Variants in PTCHD4 observed in about 807,000 individuals in gnomAD.
PTCHD4 encodes the protein patched domain containing 4.
Under a neutral mutation model 58.1 loss-of-function variants are expected in PTCHD4, and 33 were observed. The ratio of observed to expected loss-of-function variants is 0.57; its 90% CI spans 0.43 to 0.76. The LOEUF (loss-of-function observed/expected upper bound fraction) is 0.76, where lower values mean the gene tolerates loss of function less well. Ranked by LOEUF, PTCHD4 falls within the 30% of genes least tolerant of loss-of-function variation. The pLI, the probability that PTCHD4 is intolerant of heterozygous loss-of-function variation, is 0.00. For synonymous variants in PTCHD4, 478 were observed against 409.6 expected (o/e 1.17, Z -2.02); for missense variants, 1,058 against 1,027.1 (o/e 1.03, Z -0.41).
intron 4 of PTCHD4, among the ~76,000 whole-genome samples, chr6:47,880,544 T>A (rs947574143): frequency 4.6e-5 from 7 of 150,652 alleles, no homozygotes; most frequent in Non-Finnish European, 1.0e-4. Context: ...AAAAAAAATC[T>A]GCCACGTCAC....
At chr6:47,985,174 A>T (rs528943917) in intron 4 of PTCHD4, among the ~76,000 whole-genome samples, 1 of 152,140 alleles carries the variant, frequency 6.6e-6, no homozygotes, top group African/African-American at 2.4e-5. Context: ...CTCTATGTAT[A>T]GCTTCCATTC....
At chr6:47,950,930 G>A (rs1345933227) in intron 4 of PTCHD4, among the ~76,000 whole-genome samples, 1 of 152,130 alleles carries the variant, frequency 6.6e-6, no homozygotes, top group East Asian at 1.9e-4. Context: ...TAGTCAATGT[G>A]TCAATTGATG....
rs1314809103 is a variant in PTCHD4 at position 47,869,979 on chromosome 6, C to T, written c.*8324G>A. Among the ~76,000 whole-genome samples, 5 of 151,482 alleles carry T rather than the reference C, an allele frequency of 3.3e-5. No individual in the cohort carries two copies. The highest frequency in any genetic ancestry group is 9.7e-5 in the African/African-American group (4 of 41,366). On this transcript the variant is annotated 3_prime_UTR_variant, in exon 5 of 5. Coordinates refer to ENST00000339488, the MANE Select transcript of PTCHD4 (RefSeq NM_001384253.1). ...AAAATCTGGCGAATTTAAGAATAAC[C>T]TAGCTTTTACAGCATTTGTGATTGT...
chr6:48,072,009 A>T (rs1286255779), intron 1 of PTCHD4, among the ~76,000 whole-genome samples: 1 of 152,152 alleles, frequency 6.6e-6, no homozygotes, highest in East Asian at 1.9e-4. Flanking sequence ...TTTCAAAGTG[A>T]CTTATCACTG....
chr6:47,897,142 T>G (rs1764550794), intron 4 of PTCHD4, among the ~76,000 whole-genome samples: 1 of 152,224 alleles, frequency 6.6e-6, no homozygotes, highest in East Asian at 1.9e-4. Flanking sequence ...TGGGGACCCC[T>G]ACTCCACTTT....
At chr6:47,884,635 C>A (rs916685768) in intron 4 of PTCHD4, among the ~76,000 whole-genome samples, 6 of 152,198 alleles carry the variant, frequency 3.9e-5, no homozygotes, top group Non-Finnish European at 7.3e-5. Flanking sequence ...GAGTCTGTCC[C>A]ATTTTCCCAC....
At chr6:48,015,865 T>C (rs181110147) in intron 3 of PTCHD4, among the ~76,000 whole-genome samples, 3 of 152,048 alleles carry the variant, frequency 2.0e-5, no homozygotes, top group Admixed American at 2.0e-4. Context: ...ATAATATTTA[T>C]TAGCTGAGTA....
At chr6:47,944,331 T>C (rs961299463) in intron 4 of PTCHD4, among the ~76,000 whole-genome samples, 7 of 152,078 alleles carry the variant, frequency 4.6e-5, no homozygotes, top group African/African-American at 1.7e-4. Flanking sequence ...TCAAAAAAAT[T>C]TCAGAAAACA....
rs1764918649 is a variant in PTCHD4, at chr6:48,069,171, G to T, written c.-214C>A. On this transcript the variant is annotated 5_prime_UTR_variant, in exon 2 of 5. Transcript: ENST00000339488. ...GGGGGGCTGAGGGGGGGAGAGGAGG[G>T]AGAAGGGCGGGAGCACGTTGGGGGT... Among the ~76,000 whole-genome samples the T allele has an allele frequency of 8.2e-6, 1 of 121,390 alleles. No individual in the cohort carries two copies. Among genetic ancestry groups the T allele is most frequent in the African/African-American group, 3.1e-5 (1 of 32,200 alleles). The allele number at this position is 121,390 out of a possible 152,430, so 79.6% of individuals were successfully genotyped here. A position where few individuals can be genotyped will look rare whatever the true frequency, so the allele number is the denominator to read the frequency against.
intron 1 of PTCHD4, among the ~76,000 whole-genome samples, chr6:48,076,239 CTTCTAA>C (rs1462589192): frequency 1.3e-5 from 2 of 152,208 alleles, no homozygotes; most frequent in Admixed American, 6.5e-5. Context: ...TCAGACTTCA[CTTCTAA>C]TTCTAACTAT....
At chr6:48,054,548 T>C (rs1764343465) in intron 3 of PTCHD4, among the ~76,000 whole-genome samples, 1 of 152,146 alleles carries the variant, frequency 6.6e-6, no homozygotes, top group African/African-American at 2.4e-5. Flanking sequence ...TCAGAAGGTT[T>C]TACTTTCTTC....
chr6:47,886,238 T>G (rs1764192295), intron 4 of PTCHD4, among the ~76,000 whole-genome samples: 1 of 152,124 alleles, frequency 6.6e-6, no homozygotes, highest in Admixed American at 6.6e-5. Context: ...AGAAAATACT[T>G]TTAACGAGGA....
At chr6:48,074,027 C>T (rs1765018750) in intron 1 of PTCHD4, among the ~76,000 whole-genome samples, 1 of 152,136 alleles carries the variant, frequency 6.6e-6, no homozygotes, top group African/African-American at 2.4e-5. Flanking sequence ...TTTTCTGCCA[C>T]TGCCATCTCA....
chr6:47,914,749 T>TATC (rs1165400822), intron 4 of PTCHD4, among the ~76,000 whole-genome samples: 1 of 100,460 alleles, frequency 1.0e-5, no homozygotes, highest in African/African-American at 4.0e-5. Flanking sequence ...ATCTATTATC[T>TATC]ATCTATCTAT....
intron 4 of PTCHD4, among the ~76,000 whole-genome samples, chr6:48,006,070 C>T (rs901480976): frequency 6.6e-6 from 1 of 152,178 alleles, no homozygotes; most frequent in South Asian, 2.1e-4. Flanking sequence ...GTTCTTAGGT[C>T]TTCTGTTGGT....
chr6:47,873,394 C>T lies in PTCHD4; in HGVS notation c.*4909G>A, dbSNP rs1482468492. 1.3e-5 allele frequency among the ~76,000 whole-genome samples: 2 copies of T among 151,616 alleles called. No individual in the cohort carries two copies. Among genetic ancestry groups the T allele is most frequent in the African/African-American group, 4.8e-5 (2 of 41,362 alleles). ...CCTTCCAGTGTCATTTCAAATGTTG[C>T]CTGATCTAACTCCACAACACTTCAA... On this transcript the variant is annotated 3_prime_UTR_variant, in exon 5 of 5. Coordinates refer to ENST00000339488, the MANE Select transcript of PTCHD4 (RefSeq NM_001384253.1).
At chr6:47,981,545 G>A (rs1321773168) in intron 4 of PTCHD4, among the ~76,000 whole-genome samples, 1 of 152,004 alleles carries the variant, frequency 6.6e-6, no homozygotes, top group Non-Finnish European at 1.5e-5. Context: ...AGGGAAAATT[G>A]AAAAATCTGA....
chr6:47,957,762 G>A (rs1414407690), intron 4 of PTCHD4, among the ~76,000 whole-genome samples: 3 of 151,148 alleles, frequency 2.0e-5, no homozygotes, highest in African/African-American at 7.3e-5. Context: ...CACCATGCCC[G>A]GCTAATTTTT....
rs956364149 is a variant in PTCHD4 at position 47,873,816 on chromosome 6, A to G, written c.*4487T>C. Among the ~76,000 whole-genome samples the G allele has an allele frequency of 2.6e-5, 4 of 151,772 alleles. No homozygotes were observed. Among genetic ancestry groups the G allele is most frequent in the African/African-American group, 9.7e-5 (4 of 41,402 alleles). ...TGGGTCAATGTCATAAAATTGTCACAAAATTTTGGTAATTGAGAAAAAGCT... is the reference window on the plus strand; with the variant it reads ...TGGGTCAATGTCATAAAATTGTCACGAAATTTTGGTAATTGAGAAAAAGCT... On this transcript the variant is annotated 3_prime_UTR_variant, in exon 5 of 5. Coordinates refer to ENST00000339488, the MANE Select transcript of PTCHD4 (RefSeq NM_001384253.1).
Sources: allele counts gnomAD v4.1 joint callset (sites outside exome capture counted in the v4.1 genomes callset), GRCh38; gene constraint gnomAD v4.1.1; transcripts MANE v1.5; gene names NCBI Gene and HGNC (gene_info 2026-07-23, HGNC 2026-07-21).